The following THNSL1 variants were observed in gnomAD, a reference collection of about 807,000 sequenced individuals.
THNSL1 encodes threonine synthase-like 1.
Under a neutral mutation model 50.4 loss-of-function variants are expected in THNSL1, and 48 were observed. The ratio of observed to expected loss-of-function variants is 0.95; its 90% confidence interval spans 0.76 to 1.21. The LOEUF is 1.21. Ranked by LOEUF, THNSL1 falls within the 50% of genes most tolerant of loss-of-function variation. THNSL1 has a pLI of 0.00. For synonymous variants in THNSL1, 309 were observed against 306.1 expected, an observed-to-expected ratio of 1.01 and a Z score of -0.10; for missense variants, 896 against 871.7, an observed-to-expected ratio of 1.03 and a Z score of -0.35.
At chr10:25,018,977 T>C (rs144294659) in intron 1 of THNSL1, among the ~76,000 whole-genome samples, 1 of 152,264 alleles carries the variant, frequency 6.6e-6, no homozygotes, top group East Asian at 1.9e-4. Context: ...CTATACTGGA[T>C]TGTGTGGTCC....
At chr10:25,020,565 G>A (rs368371568) in intron 1 of THNSL1, among the ~76,000 whole-genome samples, 3 of 151,896 alleles carry the variant, frequency 2.0e-5, no homozygotes, top group East Asian at 1.9e-4. Flanking sequence ...TCAGGAGTTC[G>A]AGATCAGTCT....
chr10:24,957,667 G>A, the THNSL1 span, among the ~76,000 whole-genome samples: 1,093 of 152,244 alleles, frequency 7.2e-3, 12 homozygotes, highest in Non-Finnish European at 7.9e-3. Context: ...TTTTAGTAGA[G>A]ATGGGGTTTC....
At position 25,025,776 on chromosome 10, in the gene THNSL1, C is replaced by T. The variant is rs142583777; in HGVS notation, c.*321C>T. ...CCAAAATGTCTGGTATACTATTTGGCGATTAAAATATTTAAGCCCAGTTTT... is the reference window on the plus strand; with the variant it reads ...CCAAAATGTCTGGTATACTATTTGGTGATTAAAATATTTAAGCCCAGTTTT... On this transcript the variant is annotated 3_prime_UTR_variant, in exon 3 of 3. Transcript: ENST00000376356. The T allele has an allele frequency of 8.9e-4, 201 of 226,304 alleles. No homozygotes were observed. The highest frequency in any genetic ancestry group is 4.4e-3 in the African/African-American group (192 of 43,500). The allele number at this position is 226,304 out of a possible 1,614,324, so 14.0% of individuals were successfully genotyped here. A position where few individuals can be genotyped will look rare whatever the true frequency, so the allele number is the denominator to read the frequency against.
the THNSL1 span, among the ~76,000 whole-genome samples, chr10:24,967,508 T>C: frequency 3.3e-5 from 5 of 152,220 alleles, 1 homozygote; most frequent in African/African-American, 4.8e-5. Context: ...ATAGTTCTCA[T>C]TGTGTTACTC....
chr10:24,988,957 T>C, the THNSL1 span, among the ~76,000 whole-genome samples: 7 of 151,724 alleles, frequency 4.6e-5, no homozygotes, highest in Non-Finnish European at 1.0e-4. Flanking sequence ...GCTCCCTGGC[T>C]CATAAGGCGT....
the THNSL1 span, chr10:24,984,686 G>GT: frequency 1.1e-5 from 17 of 1,502,528 alleles, no homozygotes; most frequent in Admixed American, 4.7e-5. Context: ...TATTTTCCAT[G>GT]TTTTTTTCCC....
the THNSL1 span, among the ~76,000 whole-genome samples, chr10:24,987,445 T>G: frequency 1.3e-5 from 2 of 151,950 alleles, no homozygotes; most frequent in African/African-American, 4.8e-5. Context: ...GAGACCAGCC[T>G]GGGCAACATA....
At chr10:25,017,991 G>T (rs1259609389) in intron 1 of THNSL1, among the ~76,000 whole-genome samples, 1 of 152,180 alleles carries the variant, frequency 6.6e-6, no homozygotes, top group East Asian at 1.9e-4. Context: ...GTGTTAATCA[G>T]TTCCTGAAAT....
At chr10:24,981,310 C>T in the THNSL1 span, among the ~76,000 whole-genome samples, 1 of 152,194 alleles carries the variant, frequency 6.6e-6, no homozygotes. Flanking sequence ...TCCTCAGTGA[C>T]TCTCTGGCAT....
the THNSL1 span, among the ~76,000 whole-genome samples, chr10:24,987,692 C>T: frequency 6.6e-6 from 1 of 152,152 alleles, no homozygotes; most frequent in Admixed American, 6.6e-5. Flanking sequence ...CCCTTTGTTA[C>T]CTCCTCTGCA....
chr10:24,980,797 AC>A, the THNSL1 span, among the ~76,000 whole-genome samples: 95 of 152,212 alleles, frequency 6.2e-4, no homozygotes, highest in African/African-American at 2.3e-3. Context: ...GTTCACTGCA[AC>A]CTTTGCCTCC....
the THNSL1 span, among the ~76,000 whole-genome samples, chr10:24,980,625 A>G: frequency 6.6e-6 from 1 of 152,200 alleles, no homozygotes; most frequent in Non-Finnish European, 1.5e-5. Context: ...AATGACAATG[A>G]GAGAGCTATG....
At chr10:24,961,360 C>T in the THNSL1 span, among the ~76,000 whole-genome samples, 1 of 152,136 alleles carries the variant, frequency 6.6e-6, no homozygotes, top group Non-Finnish European at 1.5e-5. Context: ...ATACTACTTC[C>T]AAATTTTGAT....
the THNSL1 span, chr10:24,995,967 G>T: frequency 3.2e-6 from 3 of 942,288 alleles, no homozygotes; most frequent in Non-Finnish European, 4.6e-6. Flanking sequence ...GTATATTGAA[G>T]TTGCAGTCAT....
At chr10:24,956,768 C>A in the THNSL1 span, among the ~76,000 whole-genome samples, 1 of 152,140 alleles carries the variant, frequency 6.6e-6, no homozygotes, top group African/African-American at 2.4e-5. Flanking sequence ...TACCGGGCTG[C>A]AAACTGGTAC....
the THNSL1 span, among the ~76,000 whole-genome samples, chr10:24,977,853 C>T: frequency 7.9e-5 from 12 of 152,232 alleles, no homozygotes; most frequent in Admixed American, 2.0e-4. Context: ...AGCAGAAGTT[C>T]AGGAATGGGA....
At chr10:24,984,427 T>G in the THNSL1 span, 2 of 1,567,324 alleles carry the variant, frequency 1.3e-6, no homozygotes, top group Non-Finnish European at 1.7e-6. Context: ...ACTTTATTTT[T>G]CAGGACCTAG....
the THNSL1 span, among the ~76,000 whole-genome samples, chr10:24,974,615 T>C: frequency 6.6e-6 from 1 of 152,370 alleles, no homozygotes; most frequent in East Asian, 1.9e-4. Flanking sequence ...TTTTTGCTTT[T>C]TGAAAACTTT....
At chr10:24,970,646 A>G in the THNSL1 span, among the ~76,000 whole-genome samples, 4 of 151,810 alleles carry the variant, frequency 2.6e-5, no homozygotes, top group Admixed American at 2.6e-4. Context: ...CCAGGAGTTC[A>G]AGGCTGCAGT....
Sources: gnomAD v4.1 joint callset for allele counts (sites outside exome capture counted in the v4.1 genomes callset) on GRCh38, gnomAD v4.1.1 for gene constraint, MANE v1.5 for transcripts, NCBI Gene and HGNC (gene_info 2026-07-23, HGNC 2026-07-21) for gene names.